Variants in XRCC4 observed in about 807,000 individuals in gnomAD.
XRCC4 encodes the protein DNA repair protein XRCC4.
A neutral mutation model predicts 39.1 loss-of-function variants in XRCC4; 28 were observed. The observed-to-expected ratio is 0.72, with a 90% CI of 0.53 to 0.98. The LOEUF is 0.98. Ranked by LOEUF, XRCC4 falls within the 50% of genes least tolerant of loss-of-function variation. The pLI, the probability that XRCC4 is intolerant of heterozygous loss-of-function variation, is 0.00. For synonymous variants in XRCC4, 123 were observed against 126.4 expected (o/e 0.97, Z 0.18); for missense variants, 350 against 376.4 (o/e 0.93, Z 0.58).
chr5:83,199,300 C>T (rs746558653), intron 4 of XRCC4, among the ~76,000 whole-genome samples: 2 of 152,104 alleles, frequency 1.3e-5, no homozygotes, highest in Non-Finnish European at 2.9e-5. Context: ...GAATCCTTCA[C>T]GGTATAGTTG....
intron 6 of XRCC4, among the ~76,000 whole-genome samples, chr5:83,220,805 C>T (rs1051540519): frequency 6.6e-6 from 1 of 152,132 alleles, no homozygotes; most frequent in African/African-American, 2.4e-5. Flanking sequence ...TACTGATGGT[C>T]ACATTGCTTT....
intron 3 of XRCC4, among the ~76,000 whole-genome samples, chr5:83,163,687 T>A (rs1749326980): frequency 6.6e-6 from 1 of 152,226 alleles, no homozygotes; most frequent in Admixed American, 6.5e-5. Flanking sequence ...ATTTTAATTT[T>A]GCACCACTGA....
chr5:83,118,553 A>C (rs1019881342), intron 3 of XRCC4, among the ~76,000 whole-genome samples: 10 of 152,218 alleles, frequency 6.6e-5, no homozygotes, highest in African/African-American at 1.9e-4. Context: ...CCTTTGAGGC[A>C]GCAGGACCCA....
intron 6 of XRCC4, among the ~76,000 whole-genome samples, chr5:83,236,763 A>G (rs968803833): frequency 2.0e-5 from 3 of 152,056 alleles, no homozygotes; most frequent in African/African-American, 7.2e-5. Context: ...AAAAAAATCA[A>G]CAAAGTGAAG....
At chr5:83,176,052 A>T in intron 3 of XRCC4, among the ~76,000 whole-genome samples, 1 of 151,930 alleles carries the variant, frequency 6.6e-6, no homozygotes, top group East Asian at 1.9e-4. Context: ...AATAATAATA[A>T]TGATTTAAAA....
intron 3 of XRCC4, among the ~76,000 whole-genome samples, chr5:83,150,624 C>T (rs1386125489): frequency 2.6e-5 from 4 of 152,120 alleles, no homozygotes; most frequent in Non-Finnish European, 5.9e-5. Context: ...CATAAATATA[C>T]ACACATGTTC....
At chr5:83,324,606 G>A (rs1349676649) in intron 7 of XRCC4, among the ~76,000 whole-genome samples, 2 of 152,008 alleles carry the variant, frequency 1.3e-5, no homozygotes, top group Non-Finnish European at 2.9e-5. Flanking sequence ...TAGCTTTTTA[G>A]TGTAGCTAAA....
At chr5:83,335,366 T>G (rs1361877023) in intron 7 of XRCC4, among the ~76,000 whole-genome samples, 1 of 151,878 alleles carries the variant, frequency 6.6e-6, no homozygotes, top group African/African-American at 2.4e-5. Context: ...AAAGTATTTT[T>G]TACAAGTTAT....
In XRCC4 at chr5:83,224,587, G is replaced by A. The variant is rs951998687; in HGVS notation, c.745+19666G>A. 4.6e-5 allele frequency among the ~76,000 whole-genome samples: 7 copies of A among 152,222 alleles called. No individual in the cohort carries two copies. In the South Asian group the frequency reaches 1.5e-3, roughly 32 times the overall value. ...ATTAGAGTGTTTTGAATTTGACAGTGTACTTAATTTTACCAATGAATTTTG... is the reference window on the plus strand; with the variant it reads ...ATTAGAGTGTTTTGAATTTGACAGTATACTTAATTTTACCAATGAATTTTG... On this transcript the variant is annotated intron_variant, in intron 6 of 7. Transcript: ENST00000396027.
At chr5:83,358,836 A>G in the XRCC4 span, among the ~76,000 whole-genome samples, 5 of 152,188 alleles carry the variant, frequency 3.3e-5, no homozygotes, top group African/African-American at 1.2e-4. Context: ...AAACTGGGCC[A>G]GAGACAAGGG....
At chr5:83,301,422 G>T (rs1289774945) in intron 7 of XRCC4, among the ~76,000 whole-genome samples, 1 of 151,854 alleles carries the variant, frequency 6.6e-6, no homozygotes, top group East Asian at 1.9e-4. Context: ...TTTTGATGGG[G>T]TTGTTTTTTT....
intron 7 of XRCC4, among the ~76,000 whole-genome samples, chr5:83,319,725 G>A (rs1580507068): frequency 1.2e-5 from 1 of 82,878 alleles, no homozygotes; most frequent in East Asian, 3.8e-4. Context: ...TGGAGAGGTT[G>A]TGGAGAAATA....
chr5:83,262,010 A>G (rs536197751), intron 7 of XRCC4, among the ~76,000 whole-genome samples: 1 of 152,274 alleles, frequency 6.6e-6, no homozygotes, highest in African/African-American at 2.4e-5. Context: ...TAATTTTTAA[A>G]TTTAGTTGAA....
chr5:83,176,908 C>T (rs987189124), intron 3 of XRCC4, among the ~76,000 whole-genome samples: 1 of 152,120 alleles, frequency 6.6e-6, no homozygotes, highest in African/African-American at 2.4e-5. Context: ...AGACATCAGC[C>T]ACCACACCCA....
chr5:83,190,045 C>G (rs1011641717), intron 3 of XRCC4, among the ~76,000 whole-genome samples: 1 of 152,028 alleles, frequency 6.6e-6, no homozygotes, highest in African/African-American at 2.4e-5. Context: ...GCCTGCGTGA[C>G]AGAGCGAGAA....
chr5:83,195,853 C>G lies in XRCC4; in HGVS notation c.399C>G (p.Thr133=), dbSNP rs767886697. Reference sequence around the variant, plus strand: ...AACTTATTTGTTATTGCTTGGACACCATTGCAGAAAATCAAGCCAAAAATG... The same window carrying G: ...AACTTATTTGTTATTGCTTGGACACGATTGCAGAAAATCAAGCCAAAAATG... ...IRELICYCLD[T]IAENQAKNEH... The change falls in exon 4 of 8, where the codon ACC becomes ACG. Residue 133 remains threonine, a synonymous_variant. Coordinates refer to ENST00000396027, the MANE Select transcript of XRCC4 (RefSeq NM_003401.5). The G allele has an allele frequency of 1.2e-6, 2 of 1,612,070 alleles. No individual in the cohort carries two copies. The highest frequency in any genetic ancestry group is 1.7e-5 in the Admixed American group (1 of 59,958).
At chr5:83,193,899 C>G in intron 3 of XRCC4, among the ~76,000 whole-genome samples, 1 of 151,924 alleles carries the variant, frequency 6.6e-6, no homozygotes, top group Non-Finnish European at 1.5e-5. Context: ...CAATAATATT[C>G]TGTAGGTGAC....
At chr5:83,295,787 G>A (rs939867686) in intron 7 of XRCC4, among the ~76,000 whole-genome samples, 2 of 151,990 alleles carry the variant, frequency 1.3e-5, no homozygotes, top group Admixed American at 6.6e-5. Context: ...GCAGGATCCA[G>A]ATCATGCAGA....
At chr5:83,255,174 CT>C (rs1006278196) in intron 6 of XRCC4, among the ~76,000 whole-genome samples, 6 of 151,848 alleles carry the variant, frequency 4.0e-5, no homozygotes, top group African/African-American at 1.5e-4. Flanking sequence ...GGAGTAGTAC[CT>C]TTTTATCCTG....
Sources: gnomAD v4.1 joint callset for allele counts (sites outside exome capture counted in the v4.1 genomes callset) on GRCh38, gnomAD v4.1.1 for gene constraint, MANE v1.5 for transcripts, NCBI Gene and HGNC (gene_info 2026-07-23, HGNC 2026-07-21) for gene names.